Variants in ESR1 observed in about 807,000 individuals in gnomAD.
The protein encoded by ESR1 is estrogen receptor 1, also known as estrogen receptor.
ESR1 carries 12 observed loss-of-function variants against 52.7 expected under a neutral mutation model. The observed-to-expected ratio is 0.23, with a 90% CI of 0.15 to 0.37. The LOEUF is 0.37. ESR1 is among the 10% of genes least tolerant of loss of function. The probability of loss-of-function intolerance (pLI) is 1.00; values close to 1 mark genes in which losing one functional copy is unlikely to be tolerated. For synonymous variants in ESR1, 305 were observed against 316.8 expected, an observed-to-expected ratio of 0.96 and a Z score of 0.39; for missense variants, 584 against 779.7, an observed-to-expected ratio of 0.75 and a Z score of 2.99.
At chr6:152,059,398 CT>C (rs1227856258) in intron 5 of ESR1, among the ~76,000 whole-genome samples, 2 of 151,590 alleles carry the variant, frequency 1.3e-5, no homozygotes, top group African/African-American at 4.8e-5. Context: ...AAATTTAATT[CT>C]CTATTAAATG....
intron 2 of ESR1, among the ~76,000 whole-genome samples, chr6:151,848,895 C>T (rs942002958): frequency 2.6e-5 from 4 of 152,122 alleles, no homozygotes; most frequent in Non-Finnish European, 2.9e-5. Flanking sequence ...GACATATTCT[C>T]TCTCCTATTC....
chr6:151,723,196 C>T (rs1400748176), intron 2 of ESR1, among the ~76,000 whole-genome samples: 3 of 151,442 alleles, frequency 2.0e-5, no homozygotes, highest in African/African-American at 7.3e-5. Flanking sequence ...ACATAGAGAG[C>T]AGAATAATAA....
chr6:151,800,355 A>C (rs1279869219), upstream of ESR1, among the ~76,000 whole-genome samples: 1 of 152,082 alleles, frequency 6.6e-6, no homozygotes, highest in Non-Finnish European at 1.5e-5. Context: ...AAGCCCCTGA[A>C]GTCAGCTCTC....
rs115443246 is a variant in ESR1, at chr6:152,004,530, C to T, written c.1097-7126C>T. Among the ~76,000 whole-genome samples, 862 of 151,962 alleles carry T rather than the reference C, an allele frequency of 5.7e-3. 2 individuals carry two copies. Among genetic ancestry groups the T allele is most frequent in the African/African-American group, 0.02 (819 of 41,500 alleles). ...AGAGAGCTCCAGGAAATACTGCAGG[C>T]CTTCTACTGGTTTTTATCCTCTATT... On this transcript the variant is annotated intron_variant, in intron 4 of 7. Coordinates refer to ENST00000206249, the MANE Select transcript of ESR1 (RefSeq NM_000125.4).
upstream of ESR1, among the ~76,000 whole-genome samples, chr6:151,799,948 GGACTCTT>G (rs1777072784): frequency 6.6e-6 from 1 of 152,072 alleles, no homozygotes; most frequent in African/African-American, 2.4e-5. Context: ...GGGAGGGTGG[GGACTCTT>G]GATAAATGAG....
Position 151,876,017 on chromosome 6 carries a change from C to A in ESR1, c.644-4638C>A, listed in dbSNP as rs139041448. ...GGAAGGCTGGAGGCAAAGGGTCCTG[C>A]GGTGGGCTGTGGTAATGATCTGGGC... is the stretch of plus-strand genomic sequence containing the variant. On this transcript the variant is annotated intron_variant, in intron 2 of 7. Coordinates refer to ENST00000206249, the MANE Select transcript of ESR1 (RefSeq NM_000125.4). Among the ~76,000 whole-genome samples the A allele has an allele frequency of 8.1e-3, 1,225 of 152,104 alleles. 17 individuals are homozygous for A. The highest frequency in any genetic ancestry group is 0.028 in the African/African-American group (1,165 of 41,472).
chr6:151,879,097 A>G (rs1792343695), intron 2 of ESR1, among the ~76,000 whole-genome samples: 1 of 152,144 alleles, frequency 6.6e-6, no homozygotes. Context: ...TTGAGCCCTG[A>G]GCACCTCTGG....
chr6:151,919,843 G>T (rs1000492865), intron 3 of ESR1, among the ~76,000 whole-genome samples: 1 of 152,124 alleles, frequency 6.6e-6, no homozygotes, highest in African/African-American at 2.4e-5. Flanking sequence ...AGGAAGAAAA[G>T]AAGACACATG....
chr6:151,956,813 TATATATAAAA>T (rs1562593863), intron 4 of ESR1, among the ~76,000 whole-genome samples: 14 of 109,140 alleles, frequency 1.3e-4, no homozygotes, highest in African/African-American at 4.4e-4. Flanking sequence ...TAAATATAAA[TATATATAAAA>T]ATATATATAA....
intron 3 of ESR1, among the ~76,000 whole-genome samples, chr6:151,924,621 T>C (rs1913475): frequency 0.52 from 78,980 of 151,794 alleles, 22,866 homozygotes; most frequent in Middle Eastern, 0.72. Flanking sequence ...CAGTGTCTCT[T>C]GTTCCCCTCT....
intron 2 of ESR1, among the ~76,000 whole-genome samples, chr6:151,702,815 T>C (rs773556585): frequency 6.6e-6 from 1 of 152,238 alleles, no homozygotes; most frequent in Non-Finnish European, 1.5e-5. Context: ...TGAAAAGTCA[T>C]GCCTCTAGAA....
intron 1 of ESR1, among the ~76,000 whole-genome samples, chr6:151,811,524 A>G (rs931914131): frequency 6.6e-6 from 1 of 152,200 alleles, no homozygotes; most frequent in Non-Finnish European, 1.5e-5. Flanking sequence ...TTTTGCATCA[A>G]AATCAATGCC....
intron 3 of ESR1, among the ~76,000 whole-genome samples, chr6:151,938,025 C>G (rs1263047294): frequency 6.6e-6 from 1 of 152,192 alleles, no homozygotes; most frequent in Admixed American, 6.5e-5. Flanking sequence ...TGAATTAGCA[C>G]TCCCGTTTTC....
At chr6:151,722,745 A>G (rs554920804) in intron 2 of ESR1, among the ~76,000 whole-genome samples, 2 of 152,340 alleles carry the variant, frequency 1.3e-5, no homozygotes, top group South Asian at 2.1e-4. Context: ...ACTAAATTTC[A>G]TAACATTTAT....
At chr6:152,046,796 C>T (rs1445214258) in intron 5 of ESR1, among the ~76,000 whole-genome samples, 1 of 152,190 alleles carries the variant, frequency 6.6e-6, no homozygotes, top group Non-Finnish European at 1.5e-5. Flanking sequence ...TAGCATTACT[C>T]TCCTGACAGC....
At chr6:152,107,947 A>G (rs1468033369), downstream of ESR1, among the ~76,000 whole-genome samples, 1 of 152,200 alleles carries the variant, frequency 6.6e-6, no homozygotes, top group African/African-American at 2.4e-5. Context: ...GACTAGGCTC[A>G]AACACCCTAA....
intron 1 of ESR1, among the ~76,000 whole-genome samples, chr6:151,811,889 A>G (rs1313630880): frequency 6.6e-6 from 1 of 152,076 alleles, no homozygotes; most frequent in South Asian, 2.1e-4. Context: ...TGTGGCTTGT[A>G]CCTGTTTGGA....
chr6:151,969,479 A>G (rs906576299), intron 4 of ESR1, among the ~76,000 whole-genome samples: 6 of 152,176 alleles, frequency 3.9e-5, no homozygotes, highest in East Asian at 1.9e-4. Context: ...GTGTGTGTGC[A>G]CACATGCAAG....
intron 5 of ESR1, among the ~76,000 whole-genome samples, chr6:152,023,209 C>G (rs1465260022): frequency 1.3e-5 from 2 of 152,044 alleles, no homozygotes; most frequent in Non-Finnish European, 2.9e-5. Context: ...AAAAAAGGAA[C>G]TATAAACCAG....
Sources: allele counts gnomAD v4.1 joint callset (sites outside exome capture counted in the v4.1 genomes callset), GRCh38; gene constraint gnomAD v4.1.1; transcripts MANE v1.5; gene names NCBI Gene and HGNC (gene_info 2026-07-23, HGNC 2026-07-21).